The following MYO10 variants were observed in gnomAD, a reference collection of about 807,000 sequenced individuals.
MYO10 encodes the protein myosin X.
A neutral mutation model predicts 257.3 loss-of-function variants in MYO10; 133 were observed. That is an observed-to-expected ratio of 0.52 (90% CI 0.45 to 0.60). The LOEUF (loss-of-function observed/expected upper bound fraction) is 0.60. Among genes scored for constraint, MYO10 ranks in the 20% least tolerant of loss-of-function variants. The probability of loss-of-function intolerance (pLI) is 0.00; values close to 1 mark genes in which losing one functional copy is unlikely to be tolerated. For missense variants in MYO10, 2,399 were observed against 2,635.7 expected (o/e 0.91, Z 1.97); for synonymous variants, 1,104 against 1,028.6 (o/e 1.07, Z -1.40).
intron 4 of MYO10, among the ~76,000 whole-genome samples, chr5:16,792,207 T>C (rs1466756045): frequency 6.6e-6 from 1 of 150,396 alleles, no homozygotes; most frequent in African/African-American, 2.4e-5. Flanking sequence ...AATTCAGCTG[T>C]TCATATACAT....
At chr5:16,909,990 A>C (rs1446130879) in intron 1 of MYO10, among the ~76,000 whole-genome samples, 1 of 152,158 alleles carries the variant, frequency 6.6e-6, no homozygotes, top group Non-Finnish European at 1.5e-5. Flanking sequence ...CCTCACCAGA[A>C]GCAGATACTG....
At position 16,888,538 on chromosome 5, in the gene MYO10, T is replaced by C. The variant is rs553765137; in HGVS notation, c.22-10831A>G. Among the ~76,000 whole-genome samples, 10 of 151,674 alleles carry C rather than the reference T, an allele frequency of 6.6e-5. No homozygotes were observed. In the South Asian group the frequency reaches 1.7e-3, roughly 25 times the overall value. On this transcript the variant is annotated intron_variant, in intron 1 of 40. Transcript: ENST00000513610. ...TGAACCCAGGAGGGAGAGGTTGTGGTGAGCCGAAATTGCGCCACTGCACTC... is the reference window on the plus strand; with the variant it reads ...TGAACCCAGGAGGGAGAGGTTGTGGCGAGCCGAAATTGCGCCACTGCACTC...
At chr5:16,705,990 C>T (rs564391469) in intron 21 of MYO10, among the ~76,000 whole-genome samples, 65 of 152,202 alleles carry the variant, frequency 4.3e-4, no homozygotes, top group Middle Eastern at 6.8e-3. Flanking sequence ...GGAGACCAGC[C>T]TGGCCAACAT....
intron 4 of MYO10, among the ~76,000 whole-genome samples, chr5:16,794,192 CTAGAGT>C (rs1421626208): frequency 4.6e-5 from 7 of 151,956 alleles, no homozygotes; most frequent in Non-Finnish European, 1.0e-4. Flanking sequence ...GAGATTCTAT[CTAGAGT>C]TATTTTATTG....
At chr5:16,817,917 T>G in intron 3 of MYO10, 92 bp downstream of exon 3, 2 of 1,106,462 alleles carry the variant, frequency 1.8e-6, no homozygotes, top group African/African-American at 3.2e-5. Flanking sequence ...TTAACAAGAA[T>G]TCTCAAAAGG....
At chr5:16,780,488 T>C (rs966609757) in intron 8 of MYO10, 36 bp downstream of exon 8, 4 of 1,486,620 alleles carry the variant, frequency 2.7e-6, no homozygotes, top group Non-Finnish European at 3.7e-6. Context: ...GAAAATGAGT[T>C]GCTAGTCCAC....
chr5:16,839,883 C>T (rs989484744), intron 2 of MYO10, among the ~76,000 whole-genome samples: 1 of 152,162 alleles, frequency 6.6e-6, no homozygotes, highest in Non-Finnish European at 1.5e-5. Flanking sequence ...GGATTAAATG[C>T]ATCTTTGACT....
At chr5:16,681,545 G>C in intron 31 of MYO10, 42 bp from the exon 32 acceptor site, 1 of 1,537,968 alleles carries the variant, frequency 6.5e-7, no homozygotes, top group South Asian at 1.2e-5. Flanking sequence ...TCTGTGAGGA[G>C]AAACCCCAAA....
chr5:16,715,009 G>A (rs576005563), intron 19 of MYO10, among the ~76,000 whole-genome samples: 8 of 152,180 alleles, frequency 5.3e-5, no homozygotes, highest in Admixed American at 1.3e-4. Context: ...ATGCTTGAGA[G>A]GATGGATACC....
chr5:16,927,449 C>T (rs977943525), intron 1 of MYO10, among the ~76,000 whole-genome samples: 7 of 152,090 alleles, frequency 4.6e-5, no homozygotes, highest in African/African-American at 1.2e-4. Flanking sequence ...CTCATCCTCC[C>T]GAGTAGCTGG....
intron 19 of MYO10, among the ~76,000 whole-genome samples, chr5:16,719,542 T>C (rs1332267483): frequency 6.6e-6 from 1 of 152,282 alleles, no homozygotes; most frequent in Non-Finnish European, 1.5e-5. Flanking sequence ...ATACATGTTA[T>C]AATTTATTTC....
intron 25 of MYO10, among the ~76,000 whole-genome samples, chr5:16,700,696 TA>T (rs1163080677): frequency 6.6e-6 from 1 of 151,890 alleles, no homozygotes; most frequent in Non-Finnish European, 1.5e-5. Flanking sequence ...ACAACAACAA[TA>T]AATAAATAAA....
intron 10 of MYO10, among the ~76,000 whole-genome samples, chr5:16,768,176 C>T (rs1314462931): frequency 6.6e-6 from 1 of 152,056 alleles, no homozygotes; most frequent in African/African-American, 2.4e-5. Context: ...CTTCCATGAC[C>T]TCATCTCTTG....
intron 1 of MYO10, among the ~76,000 whole-genome samples, chr5:16,897,302 T>TAAAAAAAA (rs3060810): frequency 7.0e-5 from 9 of 129,082 alleles, no homozygotes; most frequent in African/African-American, 2.6e-4. Flanking sequence ...TTACACTTCG[T>TAAAAAAAA]AAAAAAAAAA....
chr5:16,851,368 AC>A (rs1411585251), intron 2 of MYO10, among the ~76,000 whole-genome samples: 1 of 152,206 alleles, frequency 6.6e-6, no homozygotes, highest in Non-Finnish European at 1.5e-5. Flanking sequence ...GGTCTCCAGT[AC>A]TGACTGATCC....
At chr5:16,890,255 G>A (rs1718286422) in intron 1 of MYO10, among the ~76,000 whole-genome samples, 1 of 151,848 alleles carries the variant, frequency 6.6e-6, no homozygotes, top group Non-Finnish European at 1.5e-5. Context: ...AGAATGTGGA[G>A]AAACTAGAAC....
chr5:16,792,132 CAG>C (rs1553996647), intron 4 of MYO10, among the ~76,000 whole-genome samples: 392 of 75,170 alleles, frequency 5.2e-3, no homozygotes, highest in Middle Eastern at 0.011. Flanking sequence ...CACACACACA[CAG>C]AGAGAGAGAG....
At chr5:16,795,303 T>C (rs931963614) in intron 3 of MYO10, among the ~76,000 whole-genome samples, 6 of 152,126 alleles carry the variant, frequency 3.9e-5, no homozygotes, top group Non-Finnish European at 5.9e-5. Flanking sequence ...TTTAGGGTGA[T>C]GGGGAAGTTC....
At chr5:16,776,406 TAATA>T (rs1741213655) in intron 9 of MYO10, among the ~76,000 whole-genome samples, 1 of 152,164 alleles carries the variant, frequency 6.6e-6, no homozygotes, top group African/African-American at 2.4e-5. Flanking sequence ...TTTGTGATAT[TAATA>T]AACATCAGCT....
Sources: allele counts gnomAD v4.1 joint callset (sites outside exome capture counted in the v4.1 genomes callset), GRCh38; gene constraint gnomAD v4.1.1; transcripts MANE v1.5; gene names NCBI Gene and HGNC (gene_info 2026-07-23, HGNC 2026-07-21).